Variants in GRHL2 observed in about 807,000 individuals in gnomAD.
GRHL2 encodes the protein grainyhead like transcription factor 2, also known as grainyhead-like protein 2 homolog.
GRHL2 carries 21 observed loss-of-function variants against 83.8 expected under a neutral mutation model. The observed-to-expected ratio is 0.25, with a 90% CI of 0.18 to 0.36. The LOEUF is 0.36. Among genes scored for constraint, GRHL2 ranks in the 10% least tolerant of loss-of-function variants. The pLI is 1.00. For synonymous variants in GRHL2, 280 were observed against 278.9 expected, an observed-to-expected ratio of 1.00 and a Z score of -0.04; for missense variants, 623 against 781.8, an observed-to-expected ratio of 0.80 and a Z score of 2.42.
intron 4 of GRHL2, among the ~76,000 whole-genome samples, chr8:101,560,081 C>T (rs937662669): frequency 7.2e-5 from 11 of 152,290 alleles, no homozygotes; most frequent in African/African-American, 2.6e-4. Context: ...TCTTGGCTCA[C>T]TGCAACCTCT....
intron 2 of GRHL2, among the ~76,000 whole-genome samples, chr8:101,548,923 A>G (rs180760465): frequency 1.3e-5 from 2 of 152,314 alleles, no homozygotes; most frequent in East Asian, 1.9e-4. Context: ...TGGAATCCCT[A>G]TTCTTCTATT....
In GRHL2 at chr8:101,644,205, A is replaced by G. The variant is rs766212596; in HGVS notation, c.1592A>G (p.Lys531Arg). 24 of 1,613,856 alleles carry G rather than the reference A, an allele frequency of 1.5e-5. No individual in the cohort carries two copies. The highest frequency in any genetic ancestry group is 1.9e-5 in the Non-Finnish European group (22 of 1,179,908). Residue 531 changes from lysine (K) to arginine (R), a missense_variant, in exon 13 of 16, where the codon AAA becomes AGA. Lys to Arg is a conservative substitution (Grantham distance 26). This residue lies in a region of GRHL2 where 210 missense variants were observed against 254.8 expected (regional missense o/e 0.82). Transcript: ENST00000646743. ...GGTCCAGTGCCTTCAAAGCAGATGA[A>G]AGAAGAAGGGACAAAGCGAGGTATC... ...EFGPVPSKQM[K>R]EEGTKRVLLY...
chr8:101,584,603 GT>G (rs994109340), intron 7 of GRHL2, among the ~76,000 whole-genome samples: 3 of 152,008 alleles, frequency 2.0e-5, no homozygotes, highest in African/African-American at 4.8e-5. Flanking sequence ...AAAAAAAAGA[GT>G]TTTTTTTATT....
the GRHL2 span, among the ~76,000 whole-genome samples, chr8:101,677,325 C>T: frequency 6.6e-6 from 1 of 152,004 alleles, no homozygotes; most frequent in South Asian, 2.1e-4. Flanking sequence ...GTCTGTTCTG[C>T]CATGGGTTGT....
intron 7 of GRHL2, among the ~76,000 whole-genome samples, chr8:101,595,980 T>C (rs1227180963): frequency 6.6e-6 from 1 of 151,760 alleles, no homozygotes; most frequent in Non-Finnish European, 1.5e-5. Context: ...ATTAGCCTGG[T>C]GTGGTGGCAG....
At chr8:101,512,402 T>C (rs529666) in intron 1 of GRHL2, among the ~76,000 whole-genome samples, 31,094 of 152,206 alleles carry the variant, frequency 0.2, 3,630 homozygotes, top group East Asian at 0.32. Flanking sequence ...ATATTTACTT[T>C]TAAAAGTTTA....
chr8:101,610,171 C>G (rs2130344337), intron 8 of GRHL2, among the ~76,000 whole-genome samples: 1 of 151,024 alleles, frequency 6.6e-6, no homozygotes, highest in Non-Finnish European at 1.5e-5. Context: ...CCCATGCTCT[C>G]CCCAGCAATA....
intron 8 of GRHL2, among the ~76,000 whole-genome samples, chr8:101,599,829 G>A (rs778057753): frequency 6.6e-6 from 1 of 152,160 alleles, no homozygotes; most frequent in East Asian, 1.9e-4. Flanking sequence ...TTCCAGCCAC[G>A]AGTCTCTTTG....
intron 6 of GRHL2, among the ~76,000 whole-genome samples, chr8:101,574,677 C>T (rs560572005): frequency 1.1e-4 from 16 of 152,358 alleles, no homozygotes; most frequent in Admixed American, 2.6e-4. Flanking sequence ...GCAGGTTCCA[C>T]GCAAGGCTGA....
chr8:101,540,082 T>C (rs1171993115), intron 1 of GRHL2, among the ~76,000 whole-genome samples: 3 of 152,234 alleles, frequency 2.0e-5, no homozygotes, highest in African/African-American at 7.2e-5. Flanking sequence ...AATGATTATC[T>C]TTAAGACTTT....
chr8:101,499,290 T>C (rs1810173718), intron 1 of GRHL2, among the ~76,000 whole-genome samples: 1 of 152,212 alleles, frequency 6.6e-6, no homozygotes, highest in East Asian at 1.9e-4. Flanking sequence ...GGTCTAACTA[T>C]AGACATACGT....
chr8:101,653,549 A>G (rs1813716921), intron 14 of GRHL2, among the ~76,000 whole-genome samples: 1 of 152,154 alleles, frequency 6.6e-6, no homozygotes. Context: ...CAGGAGCTCA[A>G]GACCAGCCTG....
chr8:101,596,267 G>A (rs917672152), intron 7 of GRHL2, among the ~76,000 whole-genome samples: 5 of 152,112 alleles, frequency 3.3e-5, no homozygotes, highest in African/African-American at 4.8e-5. Context: ...ACCATGTTTT[G>A]CATATCAATT....
intron 12 of GRHL2, among the ~76,000 whole-genome samples, chr8:101,637,393 G>T (rs975611845): frequency 6.6e-6 from 1 of 152,200 alleles, no homozygotes; most frequent in Admixed American, 6.5e-5. Context: ...TGAGAAGTTA[G>T]CCTGGCAGGC....
At chr8:101,588,460 A>C (rs1302541994) in intron 7 of GRHL2, among the ~76,000 whole-genome samples, 1 of 152,226 alleles carries the variant, frequency 6.6e-6, no homozygotes, top group Non-Finnish European at 1.5e-5. Flanking sequence ...TCCTGCAACA[A>C]ACTAGAATAG....
intron 2 of GRHL2, among the ~76,000 whole-genome samples, chr8:101,545,612 T>C (rs541886476): frequency 1.3e-5 from 2 of 152,214 alleles, no homozygotes; most frequent in South Asian, 2.1e-4. Flanking sequence ...ATGTTTCAAA[T>C]TGAAAATTTT....
intron 1 of GRHL2, among the ~76,000 whole-genome samples, chr8:101,509,746 T>C (rs1810426050): frequency 6.6e-6 from 1 of 152,220 alleles, no homozygotes; most frequent in Non-Finnish European, 1.5e-5. Flanking sequence ...TTAATTCTAG[T>C]AGAAGGTTAA....
rs191731234 is a variant in GRHL2, at chr8:101,500,797, C to A, written c.20+8008C>A. Among the ~76,000 whole-genome samples, 128 of 152,198 alleles carry A rather than the reference C, an allele frequency of 8.4e-4. 1 individual carries two copies. The highest frequency in any genetic ancestry group is 2.9e-3 in the African/African-American group (121 of 41,506). On this transcript the variant is annotated intron_variant, in intron 1 of 15. Transcript: ENST00000646743. ...AAGTGCTAGGATTACAGGCATGAACCACCACGCCCGACCGAAAGTGTGTTT... is the reference window on the plus strand; with the variant it reads ...AAGTGCTAGGATTACAGGCATGAACAACCACGCCCGACCGAAAGTGTGTTT...
At chr8:101,556,204 A>G (rs1410425706) in intron 3 of GRHL2, among the ~76,000 whole-genome samples, 1 of 152,020 alleles carries the variant, frequency 6.6e-6, no homozygotes, top group Non-Finnish European at 1.5e-5. Flanking sequence ...TGATCCACCC[A>G]CCTCGGCCTC....
Sources: allele counts gnomAD v4.1 joint callset (sites outside exome capture counted in the v4.1 genomes callset), GRCh38; gene constraint gnomAD v4.1.1; regional missense constraint gnomAD v4.1.1; transcripts MANE v1.5; gene names NCBI Gene and HGNC (gene_info 2026-07-23, HGNC 2026-07-21).